Variants in CACNB2 observed in about 807,000 individuals in gnomAD.
CACNB2 encodes voltage-dependent L-type calcium channel subunit beta-2.
In CACNB2, 42 loss-of-function variants were observed where a neutral mutation model predicts 73.3. The ratio of observed to expected loss-of-function variants is 0.57; its 90% CI spans 0.45 to 0.74. The LOEUF (loss-of-function observed/expected upper bound fraction) is 0.74. CACNB2 is among the 30% of genes least tolerant of loss of function. The pLI is 0.00. For missense variants in CACNB2, 940 were observed against 853.0 expected (o/e 1.10, Z -1.27); for synonymous variants, 348 against 310.3 (o/e 1.12, Z -1.28).
At chr10:18,506,376 A>C in intron 5 of CACNB2, 95 bp from the exon 6 acceptor site, 1 of 747,606 alleles carries the variant, frequency 1.3e-6, no homozygotes, top group South Asian at 1.5e-5. Context: ...TTAAAGTTGA[A>C]TAAAACCATA....
intron 3 of CACNB2, among the ~76,000 whole-genome samples, chr10:18,408,710 C>G (rs1193226308): frequency 6.6e-6 from 1 of 152,162 alleles, no homozygotes; most frequent in South Asian, 2.1e-4. Flanking sequence ...TGAAAACATT[C>G]TTTCTCTTGC....
intron 2 of CACNB2, among the ~76,000 whole-genome samples, chr10:18,396,595 C>T (rs989960100): frequency 1.3e-5 from 2 of 152,112 alleles, no homozygotes; most frequent in Non-Finnish European, 2.9e-5. Flanking sequence ...CTCAGCCTCC[C>T]GAGTAGCTGG....
At chr10:18,165,924 G>A (rs2032820590) in intron 2 of CACNB2, among the ~76,000 whole-genome samples, 1 of 152,090 alleles carries the variant, frequency 6.6e-6, no homozygotes, top group Admixed American at 6.6e-5. Flanking sequence ...TTGAAGAGTT[G>A]TAAGTTTCTG....
intron 3 of CACNB2, among the ~76,000 whole-genome samples, chr10:18,485,460 A>G (rs1011603277): frequency 6.6e-6 from 1 of 151,690 alleles, no homozygotes; most frequent in Non-Finnish European, 1.5e-5. Context: ...AAAGAGTAGA[A>G]CAAGTTTTAT....
chr10:18,183,368 T>TTAAAAAACA (rs2033987259), intron 2 of CACNB2, among the ~76,000 whole-genome samples: 1 of 152,172 alleles, frequency 6.6e-6, no homozygotes, highest in South Asian at 2.1e-4. Context: ...CTGCTGGTCA[T>TTAAAAAACA]TTAAAGTCTG....
rs566126922 is a variant in CACNB2 at position 18,347,263 on chromosome 10, C to T, written c.214-54661C>T. On this transcript the variant is annotated intron_variant, in intron 2 of 13. Coordinates refer to ENST00000324631, the MANE Select transcript of CACNB2 (RefSeq NM_201596.3). ...TGAGATCTTGGCTCAATGCAACCTC[C>T]GCCTCCCAGATGTAAGCAATTCTCC... Among the ~76,000 whole-genome samples, 13 of 151,942 alleles carry T rather than the reference C, an allele frequency of 8.6e-5. No homozygotes were observed. In the East Asian group the frequency reaches 1.4e-3, roughly 16 times the overall value.
intron 9 of CACNB2, among the ~76,000 whole-genome samples, chr10:18,524,929 C>T (rs1269253491): frequency 6.8e-6 from 1 of 147,958 alleles, no homozygotes; most frequent in Non-Finnish European, 1.5e-5. Flanking sequence ...ACTTGGGAGG[C>T]TGAGCCAGGG....
intron 2 of CACNB2, among the ~76,000 whole-genome samples, chr10:18,241,119 A>C (rs922597607): frequency 1.3e-5 from 2 of 152,172 alleles, no homozygotes; most frequent in African/African-American, 2.4e-5. Flanking sequence ...CTGCCTTTCC[A>C]GACTAAACTC....
chr10:18,411,787 C>T (rs1034507828), intron 3 of CACNB2, among the ~76,000 whole-genome samples: 3 of 152,174 alleles, frequency 2.0e-5, no homozygotes, highest in Non-Finnish European at 4.4e-5. Flanking sequence ...GAATTACAGG[C>T]GTGAGCCACT....
chr10:18,214,109 G>C (rs1335968754), intron 2 of CACNB2, among the ~76,000 whole-genome samples: 1 of 152,154 alleles, frequency 6.6e-6, no homozygotes, highest in Non-Finnish European at 1.5e-5. Flanking sequence ...GAGGCAGGGG[G>C]GCAGTGTGTG....
At chr10:18,479,706 TC>T (rs1564597314) in intron 3 of CACNB2, among the ~76,000 whole-genome samples, 85 of 152,156 alleles carry the variant, frequency 5.6e-4, no homozygotes, top group African/African-American at 2.0e-3. Flanking sequence ...TCTCGCTCGC[TC>T]GCTCTCTCGC....
intron 9 of CACNB2, among the ~76,000 whole-genome samples, chr10:18,519,490 A>G (rs2051623791): frequency 6.6e-6 from 1 of 152,104 alleles, no homozygotes; most frequent in Admixed American, 6.5e-5. Context: ...TTTATCTCCA[A>G]TGACTATGTT....
In CACNB2 at chr10:18,319,167, G is replaced by A. The variant is rs1334753351; in HGVS notation, c.214-82757G>A. 2.0e-5 allele frequency among the ~76,000 whole-genome samples: 3 copies of A among 152,122 alleles called. No homozygotes were observed. The East Asian group carries it at 5.8e-4, about 29-fold the overall frequency. The stretch of plus-strand genomic sequence containing the variant: ...GCACACGTACATTTATTGTGGCACT[G>A]TTCACAATAGCAAAGACTTGGAGCC... On this transcript the variant is annotated intron_variant, in intron 2 of 13. Transcript: ENST00000324631.
Position 18,150,914 on chromosome 10 carries a change from G to A in CACNB2, c.152G>A (p.Arg51Lys), listed in dbSNP as rs1564296642. ...SYGKGARRKN[R>K]FKGSDGSTSS... ...GGAAAAGGAGCCAGAAGGAAAAACAGATTTAAAGGATCTGATGGAAGCACG... is the reference window on the plus strand; with the variant it reads ...GGAAAAGGAGCCAGAAGGAAAAACAAATTTAAAGGATCTGATGGAAGCACG... The change falls in exon 2 of 14, where the codon AGA becomes AAA. Residue 51 changes from arginine (R) to lysine (K), a missense_variant. By Grantham distance (26) the Arg-to-Lys change is conservative. Coordinates refer to ENST00000324631, the MANE Select transcript of CACNB2 (RefSeq NM_201596.3). 1.7e-6 allele frequency: 2 copies of A among 1,196,782 alleles called. No individual in the cohort carries two copies. Among genetic ancestry groups the A allele is most frequent in the Non-Finnish European group, 2.3e-6 (2 of 868,420 alleles). 74.1% of individuals were successfully genotyped at this position (1,196,782 alleles called of 1,614,324 possible). A position where few individuals can be genotyped will look rare whatever the true frequency, so the allele number is the denominator to read the frequency against.
chr10:18,539,740 G>GTTTGT lies in CACNB2; in HGVS notation c.*19_*20insGTTTT. 1 of 1,448,638 alleles carries GTTTGT rather than the reference G, an allele frequency of 6.9e-7. No homozygotes were observed. Among genetic ancestry groups the GTTTGT allele is most frequent in the Non-Finnish European group, 9.3e-7 (1 of 1,077,642 alleles). The allele number at this position is 1,448,638 out of a possible 1,614,324, so 89.7% of individuals were successfully genotyped here. On this transcript the variant is annotated 3_prime_UTR_variant, in exon 14 of 14. Coordinates refer to ENST00000324631, the MANE Select transcript of CACNB2 (RefSeq NM_201596.3). ...CCGCCAATGAGTTTTGCCCGTTTGTGTTTTTTTTTTTTTTTTTTTGAAGTC... is the reference window on the plus strand; with the variant it reads ...CCGCCAATGAGTTTTGCCCGTTTGTGTTTGTTTTTTTTTTTTTTTTTTTTGAAGTC...
chr10:18,443,048 TAAC>T (rs1158693312), intron 3 of CACNB2, among the ~76,000 whole-genome samples: 6 of 140,586 alleles, frequency 4.3e-5, no homozygotes, highest in Non-Finnish European at 9.2e-5. Context: ...ATAAGGAACT[TAAC>T]TATACATAAT....
intron 2 of CACNB2, among the ~76,000 whole-genome samples, chr10:18,220,042 C>T (rs2035669950): frequency 6.9e-6 from 1 of 145,828 alleles, no homozygotes; most frequent in Non-Finnish European, 1.5e-5. Flanking sequence ...GCTGGGATTA[C>T]AGGTATGAGC....
intron 2 of CACNB2, among the ~76,000 whole-genome samples, chr10:18,331,644 C>G (rs1329151237): frequency 6.6e-6 from 1 of 152,044 alleles, no homozygotes; most frequent in Admixed American, 6.6e-5. Context: ...GGTTTGAAGA[C>G]TAAGTCACTA....
At chr10:18,326,672 C>T (rs1196989627) in intron 2 of CACNB2, among the ~76,000 whole-genome samples, 3 of 152,164 alleles carry the variant, frequency 2.0e-5, no homozygotes, top group African/African-American at 7.2e-5. Flanking sequence ...CCCCTCTGAC[C>T]ACATGAACCT....
Sources: gnomAD v4.1 joint callset for allele counts (sites outside exome capture counted in the v4.1 genomes callset) on GRCh38, gnomAD v4.1.1 for gene constraint, MANE v1.5 for transcripts, NCBI Gene and HGNC (gene_info 2026-07-23, HGNC 2026-07-21) for gene names.